The following PAG1 variants were observed in gnomAD, a reference collection of about 807,000 sequenced individuals.
PAG1 encodes phosphoprotein membrane anchor with glycosphingolipid microdomains 1.
PAG1 carries 23 observed loss-of-function variants against 31.7 expected under a neutral mutation model. That is an observed-to-expected ratio of 0.73 (90% CI 0.52 to 1.03). The LOEUF is 1.03. Ranked by LOEUF, PAG1 falls within the 50% of genes least tolerant of loss-of-function variation. The pLI is 0.00. For missense variants in PAG1, 473 were observed against 540.7 expected, an observed-to-expected ratio of 0.87 and a Z score of 1.24; for synonymous variants, 214 against 210.3, an observed-to-expected ratio of 1.02 and a Z score of -0.15.
At position 80,993,214 on chromosome 8, in the gene PAG1, C is replaced by A; in HGVS notation, c.14G>T (p.Gly5Val). Residue 5 changes from glycine to valine, a missense_variant, in exon 4 of 9, where the codon GGG becomes GTG. Physicochemically the swap from Gly to Val is moderately radical, Grantham distance 109. Transcript: ENST00000220597. The stretch of plus-strand genomic sequence containing the variant: ...CATCTGTCCGCTGCCCAGCAGGCTC[C>A]CCGCGGGCCCCATGGCAGGAGCAGG... The part of the protein sequence containing the change: MGPA[G>V]SLLGSGQMQI... The A allele has an allele frequency of 6.2e-7, 1 of 1,608,720 alleles. No homozygotes were observed. The highest frequency in any genetic ancestry group is 8.5e-7 in the Non-Finnish European group (1 of 1,177,678).
chr8:80,985,678 A>G (rs527661653), intron 6 of PAG1, among the ~76,000 whole-genome samples: 2 of 152,330 alleles, frequency 1.3e-5, no homozygotes, highest in South Asian at 2.1e-4. Context: ...AGATTGTCCA[A>G]TGTGACCAGA....
At chr8:81,079,479 C>T (rs558314667) in intron 1 of PAG1, among the ~76,000 whole-genome samples, 3 of 152,276 alleles carry the variant, frequency 2.0e-5, no homozygotes, top group South Asian at 2.1e-4. Context: ...CTAGGCATTA[C>T]AAAGGCGATC....
intron 4 of PAG1, 23 bp from the exon 5 acceptor site, chr8:80,991,553 G>A (rs781754771): frequency 3.8e-6 from 6 of 1,591,400 alleles, no homozygotes; most frequent in East Asian, 4.5e-5. Context: ...GTGAAATGTT[G>A]TAATGTCAAA....
At chr8:81,064,781 C>A (rs1419011550) in intron 2 of PAG1, among the ~76,000 whole-genome samples, 3 of 152,214 alleles carry the variant, frequency 2.0e-5, no homozygotes, top group Non-Finnish European at 4.4e-5. Context: ...GCAATCAATG[C>A]TCTTGGAGCT....
chr8:80,980,466 C>G lies in PAG1; in HGVS notation c.905G>C (p.Arg302Pro). The change falls in exon 8 of 9, where the codon CGG becomes CCG. Residue 302 changes from arginine to proline, a missense_variant. Coordinates refer to ENST00000220597, the MANE Select transcript of PAG1 (RefSeq NM_018440.4). ...KRFSSLSYKS[R>P]EEDPTLTEEE... ...TTCTGTGAGAGTGGGGTCTTCTTCC[C>G]GAGACTTGTATGACAATGAGCTAAA... 1 of 1,607,844 alleles carries G rather than the reference C, an allele frequency of 6.2e-7. No individual in the cohort carries two copies. Among genetic ancestry groups the G allele is most frequent in the Non-Finnish European group, 8.5e-7 (1 of 1,174,460 alleles).
chr8:81,007,220 G>A (rs952228484), intron 3 of PAG1, among the ~76,000 whole-genome samples: 3 of 152,132 alleles, frequency 2.0e-5, no homozygotes, highest in Non-Finnish European at 4.4e-5. Flanking sequence ...CGGGAAAAAG[G>A]TGCCAACAAC....
intron 2 of PAG1, among the ~76,000 whole-genome samples, chr8:81,035,942 CACATGTGTATAT>C (rs754109627): frequency 1.0e-3 from 155 of 152,180 alleles, no homozygotes; most frequent in Non-Finnish European, 1.7e-3. Context: ...CACATATTAA[CACATGTGTATAT>C]ACATTTATAT....
intron 2 of PAG1, among the ~76,000 whole-genome samples, chr8:81,053,040 G>A (rs1322385123): frequency 6.6e-6 from 1 of 152,046 alleles, no homozygotes; most frequent in Non-Finnish European, 1.5e-5. Flanking sequence ...AGTTATTATA[G>A]CATAATTGTA....
At chr8:81,061,595 A>G (rs7841770) in intron 2 of PAG1, among the ~76,000 whole-genome samples, 88,166 of 152,008 alleles carry the variant, frequency 0.58, 26,363 homozygotes, top group East Asian at 0.86. Context: ...GTCCAAAGGA[A>G]AAAGCCTGCA....
chr8:80,983,022 G>A (rs1469036908), intron 7 of PAG1, among the ~76,000 whole-genome samples: 1 of 152,096 alleles, frequency 6.6e-6, no homozygotes, highest in Non-Finnish European at 1.5e-5. Flanking sequence ...TCTGCTGCTC[G>A]GGACTCTAGT....
chr8:81,017,710 G>A (rs1287483513), intron 3 of PAG1, among the ~76,000 whole-genome samples: 2 of 152,166 alleles, frequency 1.3e-5, no homozygotes, highest in Non-Finnish European at 2.9e-5. Flanking sequence ...CTCCCCAGGA[G>A]GCTTTCCTTG....
chr8:81,089,058 C>T (rs1809404822), intron 1 of PAG1, among the ~76,000 whole-genome samples: 2 of 152,076 alleles, frequency 1.3e-5, no homozygotes, highest in Admixed American at 1.3e-4. Flanking sequence ...GAGATTTCAC[C>T]CAACTTACAA....
At chr8:81,052,451 T>C (rs1344795446) in intron 2 of PAG1, among the ~76,000 whole-genome samples, 1 of 150,342 alleles carries the variant, frequency 6.7e-6, no homozygotes, top group Non-Finnish European at 1.5e-5. Flanking sequence ...TTCTTCTAAG[T>C]ATTTCAGCTA....
At chr8:80,988,016 C>A (rs1586145824) in intron 5 of PAG1, among the ~76,000 whole-genome samples, 1 of 152,206 alleles carries the variant, frequency 6.6e-6, no homozygotes, top group South Asian at 2.1e-4. Context: ...CCAGTGGATA[C>A]CATATCCAAT....
chr8:81,067,866 C>T (rs1212822212), intron 2 of PAG1: 1 of 152,212 alleles, frequency 6.6e-6, no homozygotes, highest in African/African-American at 2.4e-5. Flanking sequence ...TCAAGAAACA[C>T]ACTTATTTGT....
chr8:81,087,546 G>GATA (rs1422241623), intron 1 of PAG1, among the ~76,000 whole-genome samples: 1 of 152,132 alleles, frequency 6.6e-6, no homozygotes, highest in African/African-American at 2.4e-5. Flanking sequence ...CAGGAGAGTG[G>GATA]ATAAGTCAAT....
intron 4 of PAG1, 121 bp downstream of exon 4, chr8:80,992,982 C>T: frequency 2.5e-6 from 2 of 792,736 alleles, no homozygotes; most frequent in East Asian, 2.7e-5. Flanking sequence ...AAAGCTAATG[C>T]ACAAGTTTCT....
chr8:81,014,004 T>C (rs118147902), intron 3 of PAG1, among the ~76,000 whole-genome samples: 2,243 of 152,348 alleles, frequency 0.015, 30 homozygotes, highest in Non-Finnish European at 0.022. Flanking sequence ...ATATTTGCAT[T>C]GACATTTTAT....
intron 4 of PAG1, 44 bp from the exon 5 acceptor site, chr8:80,991,574 T>TA (rs757254868): frequency 7.1e-6 from 10 of 1,404,332 alleles, no homozygotes; most frequent in Non-Finnish European, 1.0e-5. Context: ...TGTGCCCCCT[T>TA]AAAATCAAGC....
Sources: gnomAD v4.1 joint callset for allele counts (sites outside exome capture counted in the v4.1 genomes callset) on GRCh38, gnomAD v4.1.1 for gene constraint, MANE v1.5 for transcripts, NCBI Gene and HGNC (gene_info 2026-07-23, HGNC 2026-07-21) for gene names.